SEMA5A: variants seen among roughly 807,000 people sequenced by gnomAD.
SEMA5A encodes the protein semaphorin-5A.
A neutral mutation model predicts 135.5 loss-of-function variants in SEMA5A; 55 were observed. The observed-to-expected ratio is 0.41, with a 90% CI of 0.33 to 0.51. The LOEUF (loss-of-function observed/expected upper bound fraction) is 0.51. Ranked by LOEUF, SEMA5A falls within the 20% of genes least tolerant of loss-of-function variation. The pLI is 0.37. For synonymous variants in SEMA5A, 580 were observed against 546.5 expected, an observed-to-expected ratio of 1.06 and a Z score of -0.85; for missense variants, 1,290 against 1,419.9, an observed-to-expected ratio of 0.91 and a Z score of 1.47.
intron 5 of SEMA5A, among the ~76,000 whole-genome samples, chr5:9,239,844 G>C (rs1237307707): frequency 6.6e-6 from 1 of 151,968 alleles, no homozygotes; most frequent in Non-Finnish European, 1.5e-5. Context: ...TTTGTTAAAA[G>C]TTAAATAATA....
Position 9,044,603 on chromosome 5 carries a change from A to T in SEMA5A, c.2894-19T>A, listed in dbSNP as rs762329412. On this transcript the variant is annotated intron_variant, in intron 21 of 22. Coordinates refer to ENST00000382496, the MANE Select transcript of SEMA5A (RefSeq NM_003966.3). ...TTGAACTCTAGGGAGACATGAGCAA[A>T]GTGATGCCACACTTGAAAAGAACAT... is the stretch of plus-strand genomic sequence containing the variant. 6.2e-7 allele frequency: 1 copy of T among 1,602,572 alleles called. No homozygotes were observed. Among genetic ancestry groups the T allele is most frequent in the Admixed American group, 1.7e-5 (1 of 60,000 alleles).
At chr5:9,435,694 C>T (rs1159000190) in intron 2 of SEMA5A, among the ~76,000 whole-genome samples, 2 of 152,154 alleles carry the variant, frequency 1.3e-5, no homozygotes, top group Non-Finnish European at 2.9e-5. Flanking sequence ...CAAATCCAGC[C>T]CACCACCTGT....
intron 2 of SEMA5A, among the ~76,000 whole-genome samples, chr5:9,384,550 A>T (rs958894038): frequency 1.1e-4 from 13 of 122,752 alleles, no homozygotes; most frequent in African/African-American, 4.0e-4. Context: ...ATAGATAGAT[A>T]GATAGATAGA....
rs186847306 is a variant in SEMA5A, at chr5:9,524,754, T to C, written c.-175+20830A>G. 2.1e-3 allele frequency among the ~76,000 whole-genome samples: 319 copies of C among 152,340 alleles called. 1 individual carries two copies. In the South Asian group the frequency reaches 0.033, roughly 16 times the overall value. On this transcript the variant is annotated intron_variant, in intron 1 of 22. Coordinates refer to ENST00000382496, the MANE Select transcript of SEMA5A (RefSeq NM_003966.3). ...GTCCTTAGCTAATTTTCAACCATTA[T>C]TAATGCAAAATAAATATATACATAA... is the stretch of plus-strand genomic sequence containing the variant.
At chr5:9,487,601 T>G (rs1455831568) in intron 1 of SEMA5A, among the ~76,000 whole-genome samples, 1 of 152,172 alleles carries the variant, frequency 6.6e-6, no homozygotes, top group African/African-American at 2.4e-5. Flanking sequence ...GAGGATATAG[T>G]TCACTCTACT....
chr5:9,285,132 A>G (rs1750736067), intron 5 of SEMA5A, among the ~76,000 whole-genome samples: 1 of 152,200 alleles, frequency 6.6e-6, no homozygotes, highest in Non-Finnish European at 1.5e-5. Context: ...AGAAGCATTT[A>G]TGCGTCATTC....
intron 2 of SEMA5A, among the ~76,000 whole-genome samples, chr5:9,419,210 A>G (rs1001303723): frequency 4.0e-5 from 6 of 151,874 alleles, no homozygotes; most frequent in Non-Finnish European, 5.9e-5. Flanking sequence ...TTCTATTTTT[A>G]TTGCACTGTG....
intron 16 of SEMA5A, among the ~76,000 whole-genome samples, chr5:9,100,259 A>G (rs1739552297): frequency 6.6e-6 from 1 of 152,164 alleles, no homozygotes; most frequent in African/African-American, 2.4e-5. Context: ...TTGTTTTCAC[A>G]AAGCCAGGTG....
intron 12 of SEMA5A, among the ~76,000 whole-genome samples, chr5:9,154,093 A>ATGTG (rs1553993817): frequency 4.1e-5 from 3 of 73,514 alleles, no homozygotes; most frequent in African/African-American, 1.1e-4. Context: ...ATATATATAT[A>ATGTG]TGTGTGTGTG....
intron 21 of SEMA5A, among the ~76,000 whole-genome samples, chr5:9,047,802 T>A (rs1227272608): frequency 6.6e-6 from 1 of 152,228 alleles, no homozygotes; most frequent in Non-Finnish European, 1.5e-5. Context: ...AATTCCATTC[T>A]GAATATCTCA....
chr5:9,453,116 A>G (rs2126709284), intron 1 of SEMA5A, among the ~76,000 whole-genome samples: 1 of 152,344 alleles, frequency 6.6e-6, no homozygotes, highest in Admixed American at 6.5e-5. Flanking sequence ...TCTAGATGTT[A>G]TTTATTTTAC....
chr5:9,541,530 G>A (rs1395440579), intron 1 of SEMA5A, among the ~76,000 whole-genome samples: 1 of 151,950 alleles, frequency 6.6e-6, no homozygotes, highest in Non-Finnish European at 1.5e-5. Context: ...TGTTAATCAG[G>A]AAACCAATTC....
chr5:9,312,007 G>C (rs1445074687), intron 5 of SEMA5A, among the ~76,000 whole-genome samples: 1 of 152,094 alleles, frequency 6.6e-6, no homozygotes, highest in African/African-American at 2.4e-5. Flanking sequence ...TTTCCCAAAA[G>C]AATTTTAGTA....
At chr5:9,276,123 C>A (rs1011150703) in intron 5 of SEMA5A, among the ~76,000 whole-genome samples, 2 of 152,278 alleles carry the variant, frequency 1.3e-5, no homozygotes, top group South Asian at 4.1e-4. Context: ...TCTCAGGATA[C>A]AAAATCAATG....
chr5:9,160,176 T>A lies in SEMA5A; in HGVS notation c.1274-5481A>T, dbSNP rs75586709. ...GCATATGTATCCTGTTTTGCTATTGTTGTTGTTAAGAAGAAATAAAGAAAG... is the reference window on the plus strand; with the variant it reads ...GCATATGTATCCTGTTTTGCTATTGATGTTGTTAAGAAGAAATAAAGAAAG... On this transcript the variant is annotated intron_variant, in intron 11 of 22. Transcript: ENST00000382496. Among the ~76,000 whole-genome samples the A allele has an allele frequency of 1.8e-4, 28 of 152,256 alleles. No homozygotes were observed. The East Asian group carries it at 5.4e-3, about 29-fold the overall frequency.
chr5:9,405,132 C>T (rs955978194), intron 2 of SEMA5A, among the ~76,000 whole-genome samples: 4 of 152,292 alleles, frequency 2.6e-5, no homozygotes, highest in Admixed American at 1.3e-4. Flanking sequence ...ACCGTGTGCA[C>T]ATCAAGAAAC....
chr5:9,380,191 T>A, intron 2 of SEMA5A, 168 bp from the exon 3 acceptor site: 1 of 492,318 alleles, frequency 2.0e-6, no homozygotes, highest in East Asian at 3.4e-5. Flanking sequence ...AGGTCGTGTG[T>A]GTGTATGAAT....
At chr5:9,213,749 TA>T (rs1444193760) in intron 8 of SEMA5A, among the ~76,000 whole-genome samples, 2 of 152,180 alleles carry the variant, frequency 1.3e-5, no homozygotes, top group African/African-American at 4.8e-5. Context: ...CTGCAAAGCC[TA>T]AAATATTTAT....
At chr5:9,459,832 AT>A (rs1758989567) in intron 1 of SEMA5A, among the ~76,000 whole-genome samples, 1 of 152,202 alleles carries the variant, frequency 6.6e-6, no homozygotes, top group Non-Finnish European at 1.5e-5. Context: ...TGTTTATTCA[AT>A]GGAACTGGTC....
Sources: gnomAD v4.1 joint callset for allele counts (sites outside exome capture counted in the v4.1 genomes callset) on GRCh38, gnomAD v4.1.1 for gene constraint, MANE v1.5 for transcripts, NCBI Gene and HGNC (gene_info 2026-07-23, HGNC 2026-07-21) for gene names.